Variants in RBFOX1 observed in about 807,000 individuals in gnomAD.
RBFOX1 encodes the protein RNA binding protein fox-1 homolog 1.
A neutral mutation model predicts 57.7 loss-of-function variants in RBFOX1; 8 were observed. The ratio of observed to expected loss-of-function variants is 0.14; its 90% CI spans 0.08 to 0.25. The LOEUF is 0.25. RBFOX1 is among the 10% of genes least tolerant of loss of function. The probability of loss-of-function intolerance (pLI) is 1.00; values close to 1 mark genes in which losing one functional copy is unlikely to be tolerated. For missense variants in RBFOX1, 611 were observed against 548.5 expected (o/e 1.11, Z -1.14); for synonymous variants, 326 against 222.4 (o/e 1.47, Z -4.15).
chr16:6,603,610 G>GC (rs962108091), intron 2 of RBFOX1, among the ~76,000 whole-genome samples: 7 of 151,938 alleles, frequency 4.6e-5, no homozygotes, highest in African/African-American at 1.7e-4. Flanking sequence ...ACTTGAGAAA[G>GC]CCCCCCCGGG....
At chr16:7,552,324 A>G (rs1410747241) in intron 5 of RBFOX1, among the ~76,000 whole-genome samples, 1 of 152,070 alleles carries the variant, frequency 6.6e-6, no homozygotes, top group Admixed American at 6.6e-5. Flanking sequence ...GACTCCATCA[A>G]TTTCTTTTAT....
At chr16:5,893,592 A>C (rs1015365057) in intron 4 of RBFOX1, among the ~76,000 whole-genome samples, 1 of 152,138 alleles carries the variant, frequency 6.6e-6, no homozygotes, top group Non-Finnish European at 1.5e-5. Flanking sequence ...GGATCACCTG[A>C]GGTCAGGGGT....
chr16:6,075,388 G>A (rs989975820), intron 1 of RBFOX1, among the ~76,000 whole-genome samples: 3 of 152,128 alleles, frequency 2.0e-5, no homozygotes, highest in Non-Finnish European at 4.4e-5. Flanking sequence ...TAGGTGCTGT[G>A]ATAAACACTA....
intron 2 of RBFOX1, among the ~76,000 whole-genome samples, chr16:6,615,011 G>C (rs562761435): frequency 6.6e-6 from 1 of 152,162 alleles, no homozygotes; most frequent in Non-Finnish European, 1.5e-5. Flanking sequence ...TATTTATTAA[G>C]AGAAATAACC....
intron 3 of RBFOX1, among the ~76,000 whole-genome samples, chr16:6,840,681 G>C (rs1316025466): frequency 1.3e-5 from 2 of 151,898 alleles, no homozygotes; most frequent in African/African-American, 4.8e-5. Context: ...GAGGTCAACA[G>C]ATCGAGACCA....
chr16:6,600,361 T>A (rs1405329052), intron 2 of RBFOX1, among the ~76,000 whole-genome samples: 2 of 152,182 alleles, frequency 1.3e-5, no homozygotes, highest in African/African-American at 4.8e-5. Context: ...GCTGCTCTGC[T>A]AAGCAGTCTG....
chr16:6,674,673 C>T (rs374342968), intron 3 of RBFOX1, among the ~76,000 whole-genome samples: 3 of 151,962 alleles, frequency 2.0e-5, no homozygotes, highest in South Asian at 2.1e-4. Flanking sequence ...TGTAGACTCA[C>T]GGGGAAGAAA....
At chr16:5,365,303 A>G (rs536803750) in intron 1 of RBFOX1, among the ~76,000 whole-genome samples, 4 of 152,134 alleles carry the variant, frequency 2.6e-5, no homozygotes, top group African/African-American at 7.2e-5. Context: ...GAGCAAACAC[A>G]TATGCAGCCA....
rs1436836858 is a variant in RBFOX1 at position 7,709,124 on chromosome 16, G to T, written c.1064G>T (p.Gly355Val). 1 of 1,612,504 alleles carries T rather than the reference G, an allele frequency of 6.2e-7. No individual in the cohort carries two copies. The highest frequency in any genetic ancestry group is 2.2e-5 in the East Asian group (1 of 44,814). The part of the protein sequence containing the change: ...ALAPAPTYGV[G>V]AMNAFAPLTD... Reference sequence around the variant, plus strand: ...GCTCCAGCCCCCACCTACGGCGTTGGTGCCATGGTGAGTACAAGTTTCTCC... The same window carrying T: ...GCTCCAGCCCCCACCTACGGCGTTGTTGCCATGGTGAGTACAAGTTTCTCC... The change falls in exon 15 of 16, where the codon GGT becomes GTT. Residue 355 changes from glycine (G) to valine (V), a missense_variant. Gly to Val is a moderately radical substitution (Grantham distance 109). Coordinates refer to ENST00000550418, the MANE Select transcript of RBFOX1 (RefSeq NM_018723.4).
At chr16:6,215,930 T>A (rs57871994) in intron 1 of RBFOX1, among the ~76,000 whole-genome samples, 10,992 of 152,172 alleles carry the variant, frequency 0.072, 1,292 homozygotes, top group African/African-American at 0.25. Flanking sequence ...GATAACTCTC[T>A]AACTGGGAAG....
chr16:7,124,380 C>T (rs189985004), intron 4 of RBFOX1, among the ~76,000 whole-genome samples: 3 of 152,084 alleles, frequency 2.0e-5, no homozygotes, highest in East Asian at 1.9e-4. Context: ...CAGCACTGCA[C>T]GCTAGCCCAG....
At chr16:6,508,662 G>A (rs537167706) in intron 2 of RBFOX1, among the ~76,000 whole-genome samples, 6 of 151,980 alleles carry the variant, frequency 3.9e-5, no homozygotes, top group South Asian at 2.1e-4. Flanking sequence ...CCTGCTTACC[G>A]TAAAACATGG....
intron 3 of RBFOX1, among the ~76,000 whole-genome samples, chr16:6,806,733 CT>C (rs895072481): frequency 5.4e-5 from 8 of 146,978 alleles, no homozygotes; most frequent in Non-Finnish European, 1.0e-4. Flanking sequence ...GAGCATCTTT[CT>C]GTTTTTTCTC....
In RBFOX1 at chr16:6,666,493, T is replaced by A. The variant is rs1433262954; in HGVS notation, c.-16+11843T>A. Among the ~76,000 whole-genome samples the A allele has an allele frequency of 5.0e-5, 7 of 140,134 alleles. No individual in the cohort carries two copies. In the South Asian group the frequency reaches 1.1e-3, roughly 23 times the overall value. 91.9% of individuals were successfully genotyped at this position (140,134 alleles called of 152,430 possible). A position where few individuals can be genotyped will look rare whatever the true frequency, so the allele number is the denominator to read the frequency against. On this transcript the variant is annotated intron_variant, in intron 3 of 15. Coordinates refer to ENST00000550418, the MANE Select transcript of RBFOX1 (RefSeq NM_018723.4). ...AGGCAGAGGTTACAGTCAGCTGAGA[T>A]CACACCACTGCACTCCAGCCTGGGT...
At chr16:7,331,422 A>G (rs1045478160) in intron 4 of RBFOX1, among the ~76,000 whole-genome samples, 9 of 152,204 alleles carry the variant, frequency 5.9e-5, no homozygotes, top group Admixed American at 5.9e-4. Flanking sequence ...ACTTCATATT[A>G]TTGCTTTCAA....
intron 4 of RBFOX1, among the ~76,000 whole-genome samples, chr16:5,934,255 C>T (rs1858317819): frequency 6.6e-6 from 1 of 152,240 alleles, no homozygotes; most frequent in South Asian, 2.1e-4. Flanking sequence ...AATGCCTCTC[C>T]AAAGCTCCCC....
intron 4 of RBFOX1, among the ~76,000 whole-genome samples, chr16:7,447,824 G>C (rs927262334): frequency 6.6e-6 from 1 of 152,242 alleles, no homozygotes; most frequent in African/African-American, 2.4e-5. Flanking sequence ...GTGGAATGTA[G>C]TTGAATTAAC....
At chr16:7,075,764 T>A (rs2058176834) in intron 4 of RBFOX1, among the ~76,000 whole-genome samples, 1 of 152,090 alleles carries the variant, frequency 6.6e-6, no homozygotes, top group African/African-American at 2.4e-5. Flanking sequence ...TTATTTTTAG[T>A]AGAGACGGGA....
intron 4 of RBFOX1, among the ~76,000 whole-genome samples, chr16:7,267,707 T>A (rs1036096582): frequency 1.3e-5 from 2 of 151,802 alleles, no homozygotes; most frequent in African/African-American, 4.8e-5. Flanking sequence ...ATACAAAAAA[T>A]TAACTGGTTG....
Sources: gnomAD v4.1 joint callset for allele counts (sites outside exome capture counted in the v4.1 genomes callset) on GRCh38, gnomAD v4.1.1 for gene constraint, MANE v1.5 for transcripts, NCBI Gene and HGNC (gene_info 2026-07-23, HGNC 2026-07-21) for gene names.